STAB2: variants seen among roughly 807,000 people sequenced by gnomAD.
STAB2 encodes stabilin-2.
A neutral mutation model predicts 338.1 loss-of-function variants in STAB2; 288 were observed. The ratio of observed to expected loss-of-function variants is 0.85; its 90% CI spans 0.77 to 0.94. The LOEUF is 0.94. STAB2 is among the 40% of genes least tolerant of loss of function. STAB2 has a pLI of 0.00. For synonymous variants in STAB2, 1,202 were observed against 1,193.3 expected (o/e 1.01, Z -0.15); for missense variants, 3,141 against 3,210.1 (o/e 0.98, Z 0.52).
chr12:103,683,130 C>A, intron 25 of STAB2, 75 bp from the exon 26 acceptor site: 1 of 1,321,864 alleles, frequency 7.6e-7, no homozygotes, highest in Non-Finnish European at 1.1e-6. Context: ...GTACGTTTCT[C>A]AGTGCTGTGT....
Position 103,703,331 on chromosome 12 carries a change from T to TA in STAB2, c.3843+56dup, listed in dbSNP as rs1265646932. On this transcript the variant is annotated intron_variant, in intron 35 of 68. Coordinates refer to ENST00000388887, the MANE Select transcript of STAB2 (RefSeq NM_017564.10). Reference sequence around the variant, plus strand: ...GAACTAATGAATATTGGCTTTTTTTTATATAATTTTGGGGGCATAAGGCTT... The same window carrying TA: ...GAACTAATGAATATTGGCTTTTTTTTAATATAATTTTGGGGGCATAAGGCTT... 5 of 1,585,198 alleles carry TA rather than the reference T, an allele frequency of 3.2e-6. No homozygotes were observed. In the Admixed American group the frequency reaches 8.9e-5, roughly 28 times the overall value.
intron 58 of STAB2, among the ~76,000 whole-genome samples, chr12:103,748,595 C>CACACACAT (rs1566073155): frequency 7.4e-5 from 4 of 53,992 alleles, no homozygotes; most frequent in African/African-American, 3.1e-4. Context: ...CACACACACA[C>CACACACAT]ACACACACAT....
chr12:103,607,070 T>C (rs999647527), intron 3 of STAB2, among the ~76,000 whole-genome samples: 1 of 152,198 alleles, frequency 6.6e-6, no homozygotes, highest in Non-Finnish European at 1.5e-5. Flanking sequence ...AATAAATCCT[T>C]TTTCCCTTTG....
rs116147174 is a variant in STAB2 at position 103,659,341 on chromosome 12, A to G, written c.1735-990A>G. ...GCACAGTGACCAAGGCCAAATGCAG[A>G]GAGGAGGCTGGGTGAGGAAACTCAG... On this transcript the variant is annotated intron_variant, in intron 15 of 68. Transcript: ENST00000388887. Among the ~76,000 whole-genome samples the G allele has an allele frequency of 4.5e-3, 681 of 152,336 alleles. 4 individuals are homozygous for G. Among genetic ancestry groups the G allele is most frequent in the African/African-American group, 0.016 (645 of 41,580 alleles).
At chr12:103,588,812 T>C (rs10507168) in intron 1 of STAB2, among the ~76,000 whole-genome samples, 1,755 of 152,346 alleles carry the variant, frequency 0.012, 26 homozygotes, top group Admixed American at 0.03. Context: ...GAAGGTGTCC[T>C]GACAATTAAA....
chr12:103,594,355 G>T (rs763547119), intron 2 of STAB2, 40 bp from the exon 3 acceptor site: 16 of 1,462,170 alleles, frequency 1.1e-5, no homozygotes, highest in Non-Finnish European at 1.5e-5. Flanking sequence ...TAACTGCATT[G>T]CTCTTATCGT....
At chr12:103,596,661 T>C (rs958650628) in intron 3 of STAB2, among the ~76,000 whole-genome samples, 15 of 152,184 alleles carry the variant, frequency 9.9e-5, no homozygotes, top group African/African-American at 3.1e-4. Context: ...ATGACACTCC[T>C]CTGAACCCTT....
chr12:103,647,027 TG>T (rs1873388449), intron 9 of STAB2, among the ~76,000 whole-genome samples: 1 of 152,324 alleles, frequency 6.6e-6, no homozygotes, highest in Admixed American at 6.5e-5. Flanking sequence ...TTAGCGCTGC[TG>T]GAATTTTCAG....
intron 43 of STAB2, among the ~76,000 whole-genome samples, chr12:103,716,226 G>T (rs1453456815): frequency 1.3e-5 from 2 of 152,102 alleles, no homozygotes; most frequent in Non-Finnish European, 2.9e-5. Flanking sequence ...TTTATCTTTG[G>T]CTTAAGGCTC....
At chr12:103,761,762 G>A (rs11111750) in intron 66 of STAB2, among the ~76,000 whole-genome samples, 40,750 of 152,094 alleles carry the variant, frequency 0.27, 6,095 homozygotes, top group South Asian at 0.47. Context: ...TCTGCAAAAT[G>A]GGGCTCATAA....
At position 103,703,286 on chromosome 12, in the gene STAB2, A is replaced by G. The variant is rs369304748; in HGVS notation, c.3843+10A>G. ...CACTACTATTATACGAGTAAGTTCT[A>G]TGGGCCAGAGCCAGTGATGGAACTA... is the stretch of plus-strand genomic sequence containing the variant. On this transcript the variant is annotated intron_variant, in intron 35 of 68. Transcript: ENST00000388887. 2.5e-6 allele frequency: 4 copies of G among 1,610,964 alleles called. No homozygotes were observed. The highest frequency in any genetic ancestry group is 2.5e-6 in the Non-Finnish European group (3 of 1,179,820).
At chr12:103,694,059 G>A (rs766555669) in intron 31 of STAB2, among the ~76,000 whole-genome samples, 15 of 151,780 alleles carry the variant, frequency 9.9e-5, no homozygotes, top group Non-Finnish European at 1.8e-4. Context: ...GGCTGCAGGC[G>A]CTCCCTAAGG....
At chr12:103,652,329 C>T (rs542634907) in intron 11 of STAB2, among the ~76,000 whole-genome samples, 118 of 152,346 alleles carry the variant, frequency 7.7e-4, no homozygotes, top group African/African-American at 2.6e-3. Context: ...TTGCCTCCAA[C>T]TCTCCAGGTT....
rs1446530215 is a variant in STAB2 at position 103,759,230 on chromosome 12, G to A, written c.7205G>A (p.Gly2402Glu). Residue 2402 changes from glycine (G) to glutamate (E), a missense_variant, in exon 65 of 69, where the codon GGA (glycine) becomes GAA (glutamate). Physicochemically the swap from Gly to Glu is moderately conservative, Grantham distance 98. Coordinates refer to ENST00000388887, the MANE Select transcript of STAB2 (RefSeq NM_017564.10). The part of the protein sequence containing the change: ...VNGTTLQTRL[G>E]SKLLITASQD... ...GGCACCACCCTGCAAACGAGGCTGG[G>A]AAGCAAGCTGCTCATCACTGCCAGC... 6.2e-7 allele frequency: 1 copy of A among 1,614,130 alleles called. No individual in the cohort carries two copies. Among genetic ancestry groups the A allele is most frequent in the Admixed American group, 1.7e-5 (1 of 60,016 alleles).
chr12:103,735,435 C>T (rs935671100), intron 51 of STAB2, 56 bp from the exon 52 acceptor site: 20 of 1,354,888 alleles, frequency 1.5e-5, no homozygotes, highest in Non-Finnish European at 1.9e-5. Context: ...CTCCTTCGGG[C>T]CGTCCCTTCT....
In STAB2 at chr12:103,766,467, C is replaced by A; in HGVS notation, c.*131C>A. On this transcript the variant is annotated 3_prime_UTR_variant, in exon 69 of 69. Coordinates refer to ENST00000388887, the MANE Select transcript of STAB2 (RefSeq NM_017564.10). ...CAGAAGCCATACCTCATCTCTCTGG[C>A]TGATCTGGGGGTTGTTTCTGTGGGT... 1 of 1,059,900 alleles carries A rather than the reference C, an allele frequency of 9.4e-7. No homozygotes were observed. The highest frequency in any genetic ancestry group is 2.7e-5 in the Admixed American group (1 of 36,956). 65.7% of individuals were successfully genotyped at this position (1,059,900 alleles called of 1,614,324 possible). A position where few individuals can be genotyped will look rare whatever the true frequency, so the allele number is the denominator to read the frequency against.
At chr12:103,637,906 T>A in intron 7 of STAB2, 110 bp from the exon 8 acceptor site, 1 of 1,133,870 alleles carries the variant, frequency 8.8e-7, no homozygotes, top group Non-Finnish European at 1.3e-6. Flanking sequence ...TGTTTGTCTT[T>A]GAAAACTGTG....
At chr12:103,765,428 T>G (rs1884868821) in intron 68 of STAB2, among the ~76,000 whole-genome samples, 1 of 152,176 alleles carries the variant, frequency 6.6e-6, no homozygotes, top group South Asian at 2.1e-4. Flanking sequence ...TTTGACACTA[T>G]TTTTAGTGAC....
At chr12:103,740,489 G>GAA in intron 54 of STAB2, 141 bp from the exon 55 acceptor site, 4 of 1,118,598 alleles carry the variant, frequency 3.6e-6, no homozygotes, top group Non-Finnish European at 4.9e-6. Flanking sequence ...TATCACCTTG[G>GAA]AAAAAAAAAG....
Sources: allele counts gnomAD v4.1 joint callset (sites outside exome capture counted in the v4.1 genomes callset), GRCh38; gene constraint gnomAD v4.1.1; transcripts MANE v1.5; gene names NCBI Gene and HGNC (gene_info 2026-07-23, HGNC 2026-07-21).